ASAP1: variants seen among roughly 807,000 people sequenced by gnomAD.
The protein encoded by ASAP1 is arf-GAP with SH3 domain, ANK repeat and PH domain-containing protein 1.
Under a neutral mutation model 145.2 loss-of-function variants are expected in ASAP1, and 43 were observed. The ratio of observed to expected loss-of-function variants is 0.30; its 90% confidence interval spans 0.23 to 0.38. ASAP1 has a LOEUF of 0.38. Ranked by LOEUF, ASAP1 falls within the 10% of genes least tolerant of loss-of-function variation. ASAP1 has a pLI of 1.00. For synonymous variants in ASAP1, 546 were observed against 515.5 expected, an observed-to-expected ratio of 1.06 and a Z score of -0.80; for missense variants, 1,018 against 1,355.3, an observed-to-expected ratio of 0.75 and a Z score of 3.91.
intron 4 of ASAP1, among the ~76,000 whole-genome samples, chr8:130,217,183 C>T (rs1250637992): frequency 2.0e-5 from 3 of 152,182 alleles, no homozygotes; most frequent in Non-Finnish European, 2.9e-5. Flanking sequence ...CTCAACTCTC[C>T]ACCTCCCTCC....
intron 2 of ASAP1, among the ~76,000 whole-genome samples, chr8:130,363,553 G>A (rs1826814151): frequency 6.6e-6 from 1 of 152,026 alleles, no homozygotes; most frequent in African/African-American, 2.4e-5. Flanking sequence ...AGGCTGCTGG[G>A]GTATAGAATA....
intron 2 of ASAP1, among the ~76,000 whole-genome samples, chr8:130,367,456 C>T (rs1248522248): frequency 6.6e-6 from 1 of 152,214 alleles, no homozygotes; most frequent in Non-Finnish European, 1.5e-5. Context: ...GCCACTGAGG[C>T]TCTGAAATAC....
intron 1 of ASAP1, among the ~76,000 whole-genome samples, chr8:130,441,293 A>G (rs1167967275): frequency 6.6e-6 from 1 of 152,184 alleles, no homozygotes; most frequent in Non-Finnish European, 1.5e-5. Context: ...GCTCCCCAAG[A>G]AGTTTCCGCT....
At chr8:130,314,174 C>G (rs929276652) in intron 3 of ASAP1, among the ~76,000 whole-genome samples, 1 of 152,170 alleles carries the variant, frequency 6.6e-6, no homozygotes, top group Admixed American at 6.5e-5. Context: ...TTCCTCCCCC[C>G]ACTTACACCC....
intron 3 of ASAP1, among the ~76,000 whole-genome samples, chr8:130,322,210 A>G (rs559281466): frequency 6.6e-6 from 1 of 152,194 alleles, no homozygotes; most frequent in Non-Finnish European, 1.5e-5. Flanking sequence ...GTAGGTATGC[A>G]GTGAAAAATT....
chr8:130,347,799 G>A (rs1406824762), intron 3 of ASAP1, among the ~76,000 whole-genome samples: 2 of 152,164 alleles, frequency 1.3e-5, no homozygotes, highest in Admixed American at 1.3e-4. Context: ...ATAATTTGGT[G>A]CGAGCTGCCT....
At chr8:130,191,029 C>A (rs1397399248) in intron 5 of ASAP1, among the ~76,000 whole-genome samples, 1 of 147,512 alleles carries the variant, frequency 6.8e-6, no homozygotes. Flanking sequence ...TTAGGAAGTG[C>A]AATCTATAAC....
chr8:130,169,006 C>G lies in ASAP1; in HGVS notation c.808G>C (p.Ala270Pro). 6.4e-7 allele frequency: 1 copy of G among 1,572,958 alleles called. No homozygotes were observed. Among genetic ancestry groups the G allele is most frequent in the Non-Finnish European group, 8.6e-7 (1 of 1,162,740 alleles). The change falls in exon 10 of 30, where the codon GCT becomes CCT. Residue 270 changes from alanine (A) to proline (P), a missense_variant. Around this residue, in one of 9 missense-constraint regions of ASAP1, gnomAD observed 62 missense variants for 68.5 expected, o/e 0.90. Coordinates refer to ENST00000518721, the MANE Select transcript of ASAP1 (RefSeq NM_018482.4). ...KLKQYIEKLA[A>P]DLYNIKQTQD... ...AAAGAACTTACATTATATAAATCAG[C>G]AGCCAGTTTTTCAATGTACTGTTTC...
intron 2 of ASAP1, among the ~76,000 whole-genome samples, chr8:130,359,853 G>C (rs987171891): frequency 6.6e-6 from 1 of 151,434 alleles, no homozygotes; most frequent in African/African-American, 2.4e-5. Flanking sequence ...TCGATCTCCT[G>C]ACCTCATGAT....
At chr8:130,407,598 C>T (rs908806131) in intron 1 of ASAP1, among the ~76,000 whole-genome samples, 2 of 152,216 alleles carry the variant, frequency 1.3e-5, no homozygotes, top group African/African-American at 4.8e-5. Flanking sequence ...ATTTAAAGCA[C>T]CTGCCTGCTA....
At chr8:130,140,064 G>A (rs1211309932) in intron 13 of ASAP1, among the ~76,000 whole-genome samples, 3 of 143,558 alleles carry the variant, frequency 2.1e-5, no homozygotes, top group Admixed American at 7.0e-5. Context: ...ATAGGGTCTC[G>A]CTTTGTCGGC....
intron 4 of ASAP1, among the ~76,000 whole-genome samples, chr8:130,224,998 A>G (rs1362980189): frequency 6.6e-6 from 1 of 152,224 alleles, no homozygotes; most frequent in African/African-American, 2.4e-5. Flanking sequence ...CAGCACATAG[A>G]TGTTACTGTT....
chr8:130,359,719 G>T (rs1826616309), intron 2 of ASAP1, among the ~76,000 whole-genome samples: 1 of 151,832 alleles, frequency 6.6e-6, no homozygotes, highest in Non-Finnish European at 1.5e-5. Flanking sequence ...CGCTTCCCGG[G>T]TTCACGCCAT....
In ASAP1 at chr8:130,060,562, AAC is replaced by A. The variant is rs112858803; in HGVS notation, c.3192+15_3192+16del. On this transcript the variant is annotated intron_variant, in intron 28 of 29. Coordinates refer to ENST00000518721, the MANE Select transcript of ASAP1 (RefSeq NM_018482.4). ...GCGGAATAGGGTTCCTAAGGGCCTG[AAC>A]ATTGTCCCACCCACCGTATTGATTT... 3.9e-3 allele frequency: 6,171 copies of A among 1,592,540 alleles called. 177 individuals carry two copies. In the African/African-American group the frequency reaches 0.068, roughly 17 times the overall value.
intron 5 of ASAP1, among the ~76,000 whole-genome samples, chr8:130,205,055 G>C (rs753088925): frequency 6.6e-5 from 10 of 152,204 alleles, no homozygotes; most frequent in Non-Finnish European, 1.5e-4. Context: ...CAAAATGTTA[G>C]AGACAGCATA....
intron 24 of ASAP1, among the ~76,000 whole-genome samples, chr8:130,107,932 A>G (rs2097540379): frequency 6.6e-6 from 1 of 152,226 alleles, no homozygotes; most frequent in Non-Finnish European, 1.5e-5. Flanking sequence ...TCAGGAGTTC[A>G]CAGCTGTCTA....
At chr8:130,213,049 C>A (rs546182500) in intron 5 of ASAP1, among the ~76,000 whole-genome samples, 2 of 152,334 alleles carry the variant, frequency 1.3e-5, no homozygotes, top group African/African-American at 4.8e-5. Flanking sequence ...ACACTTTGAG[C>A]AAGGCCTCCA....
chr8:130,243,778 C>T (rs1468760774), intron 3 of ASAP1, among the ~76,000 whole-genome samples: 1 of 152,140 alleles, frequency 6.6e-6, no homozygotes, highest in Non-Finnish European at 1.5e-5. Flanking sequence ...CTCACAAGGA[C>T]ATTCTGATGG....
chr8:130,395,688 A>G (rs1828495472), intron 2 of ASAP1, among the ~76,000 whole-genome samples: 1 of 150,114 alleles, frequency 6.7e-6, no homozygotes, highest in Non-Finnish European at 1.5e-5. Context: ...TTTTTTTGAG[A>G]CAGAGTCTCA....
Sources: gnomAD v4.1 joint callset for allele counts (sites outside exome capture counted in the v4.1 genomes callset) on GRCh38, gnomAD v4.1.1 for gene constraint, gnomAD v4.1.1 regional missense constraint, MANE v1.5 for transcripts, NCBI Gene and HGNC (gene_info 2026-07-23, HGNC 2026-07-21) for gene names.